TBC1D22A: variants seen among roughly 807,000 people sequenced by gnomAD.
TBC1D22A encodes the protein putative GTPase activator.
TBC1D22A carries 38 observed loss-of-function variants against 60.2 expected under a neutral mutation model. That is an observed-to-expected ratio of 0.63 (90% CI 0.49 to 0.83). The LOEUF is 0.83. Among genes scored for constraint, TBC1D22A ranks in the 40% least tolerant of loss-of-function variants. TBC1D22A has a pLI of 0.00. For synonymous variants in TBC1D22A, 302 were observed against 281.7 expected, an observed-to-expected ratio of 1.07 and a Z score of -0.72; for missense variants, 628 against 701.0, an observed-to-expected ratio of 0.90 and a Z score of 1.18.
chr22:47,072,301 A>G (rs1413243422), intron 11 of TBC1D22A, among the ~76,000 whole-genome samples: 1 of 152,212 alleles, frequency 6.6e-6, no homozygotes, highest in African/African-American at 2.4e-5. Context: ...CGTCCAGGCC[A>G]CAGCTTCTCC....
rs147056286 is a variant in TBC1D22A, at chr22:46,793,672, G to T, written c.291G>T (p.Thr97=). 2 of 1,613,230 alleles carry T rather than the reference G, an allele frequency of 1.2e-6. No individual in the cohort carries two copies. Among genetic ancestry groups the T allele is most frequent in the South Asian group, 1.1e-5 (1 of 91,062 alleles). ...TGAACTCCGAGGTGGTCATGGAGACGGCCAACCGTGTGCTGCGTAACCACA... is the reference window on the plus strand; with the variant it reads ...TGAACTCCGAGGTGGTCATGGAGACTGCCAACCGTGTGCTGCGTAACCACA... ...ESLNSEVVME[T]ANRVLRNHSQ... Residue 97 remains threonine, a synonymous_variant, in exon 3 of 13, where the codon ACG becomes ACT. Coordinates refer to ENST00000337137, the MANE Select transcript of TBC1D22A (RefSeq NM_014346.5).
chr22:46,888,872 A>G (rs2068251474), intron 5 of TBC1D22A, among the ~76,000 whole-genome samples: 1 of 152,110 alleles, frequency 6.6e-6, no homozygotes, highest in Admixed American at 6.6e-5. Context: ...CATCTGGCTA[A>G]TTTTTGTATT....
chr22:47,038,267 C>T (rs986151341), intron 11 of TBC1D22A, among the ~76,000 whole-genome samples: 1 of 152,202 alleles, frequency 6.6e-6, no homozygotes, highest in Non-Finnish European at 1.5e-5. Flanking sequence ...TGAGCACAGC[C>T]CTTCATCGGC....
At chr22:46,817,123 A>AT (rs1457659840) in intron 4 of TBC1D22A, among the ~76,000 whole-genome samples, 1 of 151,520 alleles carries the variant, frequency 6.6e-6, no homozygotes, top group South Asian at 2.1e-4. Flanking sequence ...GTGGCTTAAA[A>AT]TTTTTTTTTC....
At chr22:46,883,507 G>T (rs1250622528) in intron 5 of TBC1D22A, among the ~76,000 whole-genome samples, 4 of 152,192 alleles carry the variant, frequency 2.6e-5, no homozygotes, top group Non-Finnish European at 5.9e-5. Context: ...CACGTGTAGG[G>T]TTTTTATTGC....
At chr22:46,803,302 G>A (rs952487455) in intron 4 of TBC1D22A, among the ~76,000 whole-genome samples, 2 of 152,208 alleles carry the variant, frequency 1.3e-5, no homozygotes, top group African/African-American at 4.8e-5. Context: ...GCTGGGAACC[G>A]GGGTCACCCC....
chr22:46,972,616 C>T (rs1432015035), intron 8 of TBC1D22A, among the ~76,000 whole-genome samples: 7 of 152,142 alleles, frequency 4.6e-5, no homozygotes, highest in African/African-American at 2.4e-5. Context: ...GAGGCAGGTT[C>T]GTGGTTGCCA....
chr22:47,145,009 T>C (rs2067237996), intron 12 of TBC1D22A, among the ~76,000 whole-genome samples: 1 of 152,268 alleles, frequency 6.6e-6, no homozygotes. Flanking sequence ...TAATCGGAAC[T>C]ACCTTGGTAA....
intron 4 of TBC1D22A, among the ~76,000 whole-genome samples, chr22:46,844,456 A>G (rs2086905493): frequency 6.6e-6 from 1 of 152,148 alleles, no homozygotes; most frequent in South Asian, 2.1e-4. Flanking sequence ...CAGGCAGTGT[A>G]GCCACCAGCA....
intron 8 of TBC1D22A, among the ~76,000 whole-genome samples, chr22:46,969,421 G>A (rs923325952): frequency 7.9e-5 from 12 of 152,256 alleles, no homozygotes; most frequent in Admixed American, 7.2e-4. Context: ...CATGTAAATG[G>A]AGCTGTTGAT....
intron 12 of TBC1D22A, among the ~76,000 whole-genome samples, chr22:47,154,156 C>G (rs2067618599): frequency 6.6e-6 from 1 of 152,174 alleles, no homozygotes. Flanking sequence ...CATGACTTCT[C>G]CTTCCTGCTG....
At chr22:46,980,781 TAATA>T (rs943707844) in intron 9 of TBC1D22A, among the ~76,000 whole-genome samples, 16 of 152,202 alleles carry the variant, frequency 1.1e-4, no homozygotes, top group Non-Finnish European at 2.1e-4. Context: ...TACTAATATC[TAATA>T]AATCTCCAGA....
At position 46,961,847 on chromosome 22, in the gene TBC1D22A, G is replaced by C. The variant is rs112536048; in HGVS notation, c.1016-12443G>C. Among the ~76,000 whole-genome samples, 441 of 152,386 alleles carry C rather than the reference G, an allele frequency of 2.9e-3. 1 individual carries two copies. Among genetic ancestry groups the C allele is most frequent in the African/African-American group, 0.01 (417 of 41,588 alleles). ...TCACCAGCGTCAGAGAGGCATGTGA[G>C]AGCCCTGGGGAATTTGCTAGCAGAG... On this transcript the variant is annotated intron_variant, in intron 8 of 12. Transcript: ENST00000337137.
intron 10 of TBC1D22A, among the ~76,000 whole-genome samples, chr22:47,033,336 G>A (rs1361495923): frequency 6.6e-6 from 1 of 152,230 alleles, no homozygotes; most frequent in African/African-American, 2.4e-5. Flanking sequence ...ATGTTCTAGG[G>A]TGTGGCTGGA....
intron 1 of TBC1D22A, among the ~76,000 whole-genome samples, chr22:46,791,854 G>A (rs1320547597): frequency 6.6e-6 from 1 of 152,208 alleles, no homozygotes; most frequent in African/African-American, 2.4e-5. Context: ...TCCGCCTCCA[G>A]GGTTCAAGCC....
At chr22:47,053,552 C>T (rs1388437456) in intron 11 of TBC1D22A, among the ~76,000 whole-genome samples, 1 of 152,232 alleles carries the variant, frequency 6.6e-6, no homozygotes, top group Non-Finnish European at 1.5e-5. Context: ...AGCAGTTTGC[C>T]AGGCCTGTGA....
At chr22:46,987,572 A>C in intron 9 of TBC1D22A, among the ~76,000 whole-genome samples, 1 of 152,224 alleles carries the variant, frequency 6.6e-6, no homozygotes, top group South Asian at 2.1e-4. Context: ...TGCATATAAA[A>C]GTTATATTAT....
intron 11 of TBC1D22A, among the ~76,000 whole-genome samples, chr22:47,087,242 G>T (rs1569432329): frequency 6.6e-6 from 1 of 152,190 alleles, no homozygotes; most frequent in African/African-American, 2.4e-5. Flanking sequence ...AATGAAAAAG[G>T]GTTATAGTCT....
intron 8 of TBC1D22A, among the ~76,000 whole-genome samples, chr22:46,948,072 T>C (rs1368910127): frequency 6.6e-6 from 1 of 152,142 alleles, no homozygotes; most frequent in African/African-American, 2.4e-5. Context: ...AAACATGCCT[T>C]TGGAGGGCGG....
Sources: allele counts gnomAD v4.1 joint callset (sites outside exome capture counted in the v4.1 genomes callset), GRCh38; gene constraint gnomAD v4.1.1; transcripts MANE v1.5; gene names NCBI Gene and HGNC (gene_info 2026-07-23, HGNC 2026-07-21).